CEP63: variants seen among roughly 807,000 people sequenced by gnomAD.
CEP63 encodes the protein centrosomal protein 63, also known as centrosomal protein of 63 kDa.
CEP63 carries 84 observed loss-of-function variants against 89.1 expected under a neutral mutation model. The ratio of observed to expected loss-of-function variants is 0.94; its 90% CI spans 0.79 to 1.13. CEP63 has a LOEUF of 1.13. CEP63 is among the 50% of genes most tolerant of loss of function. The probability of loss-of-function intolerance (pLI) is 0.00; values close to 1 mark genes in which losing one functional copy is unlikely to be tolerated. For missense variants in CEP63, 838 were observed against 813.3 expected (o/e 1.03, Z -0.37); for synonymous variants, 267 against 272.5 (o/e 0.98, Z 0.20).
At chr3:134,744,759 C>G in the CEP63 span, among the ~76,000 whole-genome samples, 5 of 152,174 alleles carry the variant, frequency 3.3e-5, no homozygotes, top group African/African-American at 1.2e-4. Context: ...CTCAAGCAAT[C>G]CTCCCTCCTC....
At chr3:134,728,333 G>A in the CEP63 span, among the ~76,000 whole-genome samples, 6 of 152,012 alleles carry the variant, frequency 3.9e-5, no homozygotes, top group Admixed American at 2.6e-4. Flanking sequence ...CCTAACCATC[G>A]AGCCAGTAAT....
Position 134,558,219 on chromosome 3 carries a change from A to G in CEP63, c.1545A>G (p.Gln515=), listed in dbSNP as rs750534741. ...ALNKLVSENQ[Q]LQKDLMNTKS... is the part of the protein sequence containing the mutation. Reference sequence around the variant, plus strand: ...ATAAATTAGTGTCTGAAAATCAACAACTACAGAAAGATTTGATGAATACCA... The same window carrying G: ...ATAAATTAGTGTCTGAAAATCAACAGCTACAGAAAGATTTGATGAATACCA... Residue 515 remains glutamine (Q), a synonymous_variant, in exon 13 of 15, where the codon CAA becomes CAG. Transcript: ENST00000675561. 8 of 1,613,722 alleles carry G rather than the reference A, an allele frequency of 5.0e-6. No individual in the cohort carries two copies. The highest frequency in any genetic ancestry group is 3.3e-5 in the Admixed American group (2 of 60,014).
chr3:134,606,212 A>C, the CEP63 span, among the ~76,000 whole-genome samples: 1 of 152,074 alleles, frequency 6.6e-6, no homozygotes. Context: ...GATCCCCCTG[A>C]GATTCACCTT....
At chr3:134,516,404 A>G in intron 3 of CEP63, among the ~76,000 whole-genome samples, 1 of 151,980 alleles carries the variant, frequency 6.6e-6, no homozygotes, top group Non-Finnish European at 1.5e-5. Flanking sequence ...TGGGCAGGAG[A>G]CAGATGCCTT....
At chr3:134,746,209 G>A in the CEP63 span, among the ~76,000 whole-genome samples, 5 of 151,260 alleles carry the variant, frequency 3.3e-5, no homozygotes, top group African/African-American at 9.7e-5. Flanking sequence ...TGAGAATGAT[G>A]GTTTCCAGCT....
At chr3:134,551,754 T>TATATATAC (rs1487318946) in intron 11 of CEP63, among the ~76,000 whole-genome samples, 172 bp from the exon 12 acceptor site, 6 of 21,814 alleles carry the variant, frequency 2.8e-4, no homozygotes, top group Admixed American at 6.8e-4. Flanking sequence ...TATATATATA[T>TATATATAC]ACACACACAC....
chr3:134,500,746 A>G (rs1430845664), intron 2 of CEP63, among the ~76,000 whole-genome samples: 1 of 152,126 alleles, frequency 6.6e-6, no homozygotes, highest in African/African-American at 2.4e-5. Flanking sequence ...CCTTTGTTGG[A>G]TGCATGGTTT....
the CEP63 span, among the ~76,000 whole-genome samples, chr3:134,763,034 C>T: frequency 6.6e-6 from 1 of 152,098 alleles, no homozygotes; most frequent in African/African-American, 2.4e-5. Flanking sequence ...TTTGCCAAAG[C>T]AAATCAGAGG....
Position 134,558,331 on chromosome 3 carries a change from A to G in CEP63, c.1657A>G (p.Lys553Glu), listed in dbSNP as rs149856006. ...KPTHSRTTEF[K>E]NTEFKPTHGQ... ...AACACACAGCAGAACAACTGAGTTCAAGAATACAGAGTTCAAGTAAAATTT... is the reference window on the plus strand; with the variant it reads ...AACACACAGCAGAACAACTGAGTTCGAGAATACAGAGTTCAAGTAAAATTT... Residue 553 changes from lysine to glutamate, a missense_variant, in exon 13 of 15, where the codon AAG becomes GAG. Coordinates refer to ENST00000675561, the MANE Select transcript of CEP63 (RefSeq NM_001353108.3). 8.4e-5 allele frequency: 135 copies of G among 1,611,426 alleles called. No homozygotes were observed. The African/African-American group carries it at 1.4e-3, about 17-fold the overall frequency.
chr3:134,643,446 T>C, the CEP63 span: 3 of 1,389,368 alleles, frequency 2.2e-6, no homozygotes, highest in Admixed American at 5.3e-5. Context: ...AGCAAAGAGC[T>C]GTATGTGTTT....
downstream of CEP63, among the ~76,000 whole-genome samples, chr3:134,575,198 TTTCC>T (rs1248638602): frequency 6.5e-5 from 2 of 30,628 alleles, no homozygotes; most frequent in African/African-American, 1.3e-4. Flanking sequence ...CTCTTCCCTC[TTTCC>T]CTCCCTCCCT....
the CEP63 span, among the ~76,000 whole-genome samples, chr3:134,723,221 G>A: frequency 0.98 from 149,712 of 152,262 alleles, 73,650 homozygotes; most frequent in East Asian, 1. Flanking sequence ...TGAGTGGAGT[G>A]TATGTTTCAC....
intron 1 of CEP63, chr3:134,486,480 C>A: frequency 5.1e-6 from 5 of 985,634 alleles, no homozygotes; most frequent in Non-Finnish European, 6.0e-6. Flanking sequence ...CGCAGCCCGG[C>A]GTGGGGTTCG....
chr3:134,582,754 A>G (rs964809481), intron 10 of CEP63, among the ~76,000 whole-genome samples: 24 of 152,210 alleles, frequency 1.6e-4, no homozygotes, highest in African/African-American at 5.8e-4. Flanking sequence ...GAATCACCAC[A>G]CTGTCTTCCA....
At chr3:134,603,502 TC>T in the CEP63 span, 1 of 1,324,256 alleles carries the variant, frequency 7.6e-7, no homozygotes, top group Non-Finnish European at 1.0e-6. Flanking sequence ...TGTCCAGGGC[TC>T]CCTGCACTTC....
At chr3:134,550,925 G>A (rs1247780883) in intron 11 of CEP63, among the ~76,000 whole-genome samples, 1 of 152,154 alleles carries the variant, frequency 6.6e-6, no homozygotes, top group Non-Finnish European at 1.5e-5. Context: ...ATACTGGGCT[G>A]GTAAAAATGA....
the CEP63 span, among the ~76,000 whole-genome samples, chr3:134,601,463 G>A: frequency 6.6e-6 from 1 of 152,210 alleles, no homozygotes; most frequent in Non-Finnish European, 1.5e-5. Flanking sequence ...AGTGACATGC[G>A]TCATCGAAGG....
the CEP63 span, among the ~76,000 whole-genome samples, chr3:134,670,474 C>T: frequency 0.053 from 8,016 of 152,242 alleles, 276 homozygotes; most frequent in Middle Eastern, 0.092. Flanking sequence ...AAGGCAGTGT[C>T]CCATCATTGC....
the CEP63 span, chr3:134,629,810 T>G: frequency 5.4e-5 from 36 of 672,046 alleles, no homozygotes; most frequent in East Asian, 1.0e-3. Flanking sequence ...CTTTTGTGTG[T>G]ACAAATCATC....
Sources: allele counts gnomAD v4.1 joint callset (sites outside exome capture counted in the v4.1 genomes callset), GRCh38; gene constraint gnomAD v4.1.1; transcripts MANE v1.5; gene names NCBI Gene and HGNC (gene_info 2026-07-23, HGNC 2026-07-21).